The following VPS41 variants were observed in gnomAD, a reference collection of about 807,000 sequenced individuals.
VPS41 encodes VPS41 subunit of HOPS complex, also known as vacuolar protein sorting-associated protein 41 homolog.
VPS41 carries 85 observed loss-of-function variants against 130.9 expected under a neutral mutation model. The observed-to-expected ratio is 0.65, with a 90% confidence interval of 0.55 to 0.78. The LOEUF is 0.78. Among genes scored for constraint, VPS41 ranks in the 30% least tolerant of loss-of-function variants. The pLI, the probability that VPS41 is intolerant of heterozygous loss-of-function variation, is 0.00. For missense variants in VPS41, 874 were observed against 1,018.7 expected, an observed-to-expected ratio of 0.86 and a Z score of 1.93; for synonymous variants, 335 against 332.9, an observed-to-expected ratio of 1.01 and a Z score of -0.07.
rs140609142 is a variant in VPS41 at position 38,757,004 on chromosome 7, A to G, written c.1551-22T>C. On this transcript the variant is annotated intron_variant, in intron 18 of 28. Transcript: ENST00000310301. ...GTACCTGGTAATACAAATTTTTTAC[A>G]TTAATATTCATCAACAGTTCTAATT... is the stretch of plus-strand genomic sequence containing the variant. The G allele has an allele frequency of 6.5e-6, 10 of 1,546,894 alleles. No individual in the cohort carries two copies. In the African/African-American group the frequency reaches 1.4e-4, roughly 21 times the overall value.
At position 38,897,240 on chromosome 7, in the gene VPS41, T is replaced by C. The variant is rs181298554; in HGVS notation, c.60+851A>G. 1.4e-3 allele frequency among the ~76,000 whole-genome samples: 216 copies of C among 151,546 alleles called. 1 individual carries two copies. Among genetic ancestry groups the C allele is most frequent in the African/African-American group, 4.8e-3 (198 of 41,378 alleles). ...TTATATTATGCTTAAACATTTCTTATGCAGACTTGAAAATAAATTTTTTAA... is the reference window on the plus strand; with the variant it reads ...TTATATTATGCTTAAACATTTCTTACGCAGACTTGAAAATAAATTTTTTAA... On this transcript the variant is annotated intron_variant, in intron 2 of 28. Coordinates refer to ENST00000310301, the MANE Select transcript of VPS41 (RefSeq NM_014396.4).
intron 7 of VPS41, among the ~76,000 whole-genome samples, chr7:38,802,339 C>T (rs1206944217): frequency 6.6e-6 from 1 of 152,102 alleles, no homozygotes; most frequent in Admixed American, 6.5e-5. Flanking sequence ...CCTGCCTGGC[C>T]CCGTCGAACA....
intron 7 of VPS41, among the ~76,000 whole-genome samples, chr7:38,799,658 GTCCAAAAAAA>G (rs1456649934): frequency 6.6e-6 from 1 of 151,896 alleles, no homozygotes; most frequent in Non-Finnish European, 1.5e-5. Context: ...TTTAATGCAA[GTCCAAAAAAA>G]TCCAAAGGGA....
At chr7:38,741,876 C>T (rs1305270268) in intron 25 of VPS41, 109 bp downstream of exon 25, 14 of 1,262,836 alleles carry the variant, frequency 1.1e-5, no homozygotes, top group Non-Finnish European at 1.4e-5. Context: ...TAAAATGTAA[C>T]CATAAAATCG....
intron 2 of VPS41, among the ~76,000 whole-genome samples, chr7:38,873,931 T>C (rs1392889115): frequency 6.6e-6 from 1 of 152,200 alleles, no homozygotes; most frequent in African/African-American, 2.4e-5. Context: ...AAAAACTGTT[T>C]AGTGATGTTG....
At chr7:38,905,300 T>C (rs1364180286) in intron 1 of VPS41, among the ~76,000 whole-genome samples, 1 of 152,054 alleles carries the variant, frequency 6.6e-6, no homozygotes, top group Non-Finnish European at 1.5e-5. Flanking sequence ...TATGGACAAA[T>C]ACTGTTGGGC....
chr7:38,741,368 G>GA (rs767323955), intron 25 of VPS41: 8 of 347,622 alleles, frequency 2.3e-5, no homozygotes, highest in Non-Finnish European at 4.0e-5. Flanking sequence ...TCTTTTTAAG[G>GA]AAAAGATTAA....
At chr7:38,762,911 T>C (rs1783950762) in intron 17 of VPS41, among the ~76,000 whole-genome samples, 3 of 152,126 alleles carry the variant, frequency 2.0e-5, no homozygotes, top group African/African-American at 7.2e-5. Flanking sequence ...GTTCCAGATA[T>C]GAAATCAACA....
chr7:38,727,155 A>G (rs1186149985), intron 27 of VPS41, 167 bp from the exon 28 acceptor site: 2 of 515,988 alleles, frequency 3.9e-6, no homozygotes, highest in Non-Finnish European at 6.4e-6. Context: ...GATCAGACAC[A>G]AAACAGGTAT....
intron 5 of VPS41, 38 bp from the exon 6 acceptor site, chr7:38,821,303 G>T (rs367921779): frequency 1.0e-5 from 15 of 1,477,904 alleles, no homozygotes; most frequent in Non-Finnish European, 1.4e-5. Context: ...CACCATGACA[G>T]CAATAGAGAA....
intron 4 of VPS41, among the ~76,000 whole-genome samples, chr7:38,832,469 C>G (rs1257625912): frequency 6.6e-6 from 1 of 151,916 alleles, no homozygotes; most frequent in Non-Finnish European, 1.5e-5. Flanking sequence ...CAGGCACGTG[C>G]CACCACGTCC....
chr7:38,759,866 C>A (rs997627406), intron 17 of VPS41, among the ~76,000 whole-genome samples: 1 of 152,168 alleles, frequency 6.6e-6, no homozygotes, highest in African/African-American at 2.4e-5. Context: ...ATAGCCAGCA[C>A]AACTGACCGT....
chr7:38,828,367 C>T (rs1239466793), intron 5 of VPS41, among the ~76,000 whole-genome samples: 1 of 152,020 alleles, frequency 6.6e-6, no homozygotes, highest in Non-Finnish European at 1.5e-5. Context: ...TTTTAAACAA[C>T]TGCTGGAATT....
chr7:38,774,990 T>G (rs1427312409), intron 11 of VPS41, among the ~76,000 whole-genome samples: 2 of 152,166 alleles, frequency 1.3e-5, no homozygotes, highest in Non-Finnish European at 2.9e-5. Context: ...AATGGAATAA[T>G]GCCCATGAAA....
At chr7:38,742,538 T>G (rs577077564) in intron 24 of VPS41, among the ~76,000 whole-genome samples, 1 of 152,220 alleles carries the variant, frequency 6.6e-6, no homozygotes, top group South Asian at 2.1e-4. Flanking sequence ...GGGTGTTTAA[T>G]TTTTCCAGGG....
intron 3 of VPS41, 111 bp downstream of exon 3, chr7:38,869,035 G>A (rs1427140206): frequency 5.3e-6 from 4 of 757,526 alleles, no homozygotes; most frequent in African/African-American, 1.7e-5. Context: ...CAGTGGCAAG[G>A]AGACAGAATC....
At chr7:38,833,166 C>G (rs576107928) in intron 4 of VPS41, among the ~76,000 whole-genome samples, 1 of 152,250 alleles carries the variant, frequency 6.6e-6, no homozygotes, top group African/African-American at 2.4e-5. Flanking sequence ...AGACTCGGAC[C>G]ACATTTCACC....
At chr7:38,796,486 T>C in intron 8 of VPS41, 1 of 575,662 alleles carries the variant, frequency 1.7e-6, no homozygotes, top group Non-Finnish European at 3.3e-6. Context: ...AAGATAGCTT[T>C]TCATTTTCTT....
intron 19 of VPS41, 137 bp downstream of exon 19, chr7:38,756,701 A>G (rs770875754): frequency 2.0e-5 from 12 of 609,724 alleles, no homozygotes; most frequent in Non-Finnish European, 3.0e-5. Flanking sequence ...AGCGAGGGTC[A>G]GAGTGTTCTA....
Sources: gnomAD v4.1 joint callset for allele counts (sites outside exome capture counted in the v4.1 genomes callset) on GRCh38, gnomAD v4.1.1 for gene constraint, MANE v1.5 for transcripts, NCBI Gene and HGNC (gene_info 2026-07-23, HGNC 2026-07-21) for gene names.